The following STXBP5L variants were observed in gnomAD, a reference collection of about 807,000 sequenced individuals.
The protein encoded by STXBP5L is syntaxin binding protein 5L.
Under a neutral mutation model 144.5 loss-of-function variants are expected in STXBP5L, and 65 were observed. That is an observed-to-expected ratio of 0.45 (90% CI 0.37 to 0.55). The LOEUF (loss-of-function observed/expected upper bound fraction) is 0.55. STXBP5L is among the 20% of genes least tolerant of loss of function. STXBP5L has a pLI of 0.00. For missense variants in STXBP5L, 1,298 were observed against 1,405.5 expected (o/e 0.92, Z 1.22); for synonymous variants, 505 against 469.6 (o/e 1.08, Z -0.97).
chr3:121,106,566 A>G (rs1265165449), intron 5 of STXBP5L, among the ~76,000 whole-genome samples: 1 of 152,140 alleles, frequency 6.6e-6, no homozygotes, highest in African/African-American at 2.4e-5. Context: ...CCCTGCAAAG[A>G]TCATGATCTC....
chr3:121,347,224 T>G (rs950654189), intron 20 of STXBP5L, among the ~76,000 whole-genome samples: 2 of 152,086 alleles, frequency 1.3e-5, no homozygotes, highest in East Asian at 1.9e-4. Flanking sequence ...TTTCCCCATT[T>G]CTTGTTTTTG....
intron 19 of STXBP5L, among the ~76,000 whole-genome samples, chr3:121,282,737 T>G (rs1321643399): frequency 1.3e-5 from 2 of 152,062 alleles, no homozygotes; most frequent in East Asian, 3.8e-4. Context: ...CATTTTATAA[T>G]ACTATTCTAA....
intron 3 of STXBP5L, among the ~76,000 whole-genome samples, chr3:121,030,549 T>C (rs1480223713): frequency 1.3e-5 from 2 of 151,892 alleles, no homozygotes; most frequent in Non-Finnish European, 2.9e-5. Context: ...GACTAGGGGA[T>C]GGATAACATT....
chr3:121,092,880 C>A (rs1209255102), intron 5 of STXBP5L, among the ~76,000 whole-genome samples: 1 of 152,136 alleles, frequency 6.6e-6, no homozygotes, highest in African/African-American at 2.4e-5. Flanking sequence ...CCAGTATTTG[C>A]CCATTCAGTA....
At chr3:120,970,843 A>T (rs1052729799) in intron 3 of STXBP5L, among the ~76,000 whole-genome samples, 3 of 152,134 alleles carry the variant, frequency 2.0e-5, no homozygotes, top group Admixed American at 1.3e-4. Flanking sequence ...CACAGGAACT[A>T]AAACAATTCA....
At chr3:121,347,600 T>A (rs2045055182) in intron 20 of STXBP5L, among the ~76,000 whole-genome samples, 1 of 152,228 alleles carries the variant, frequency 6.6e-6, no homozygotes, top group South Asian at 2.1e-4. Flanking sequence ...GCATGGAATG[T>A]TCTTCCATTT....
At chr3:121,039,099 G>C (rs771260949) in intron 3 of STXBP5L, among the ~76,000 whole-genome samples, 2 of 151,852 alleles carry the variant, frequency 1.3e-5, no homozygotes, top group Non-Finnish European at 2.9e-5. Flanking sequence ...TTTGCATTTA[G>C]TGTGGTATTG....
At chr3:121,153,988 C>G (rs1299697434) in intron 8 of STXBP5L, among the ~76,000 whole-genome samples, 4 of 151,656 alleles carry the variant, frequency 2.6e-5, no homozygotes, top group African/African-American at 9.7e-5. Context: ...GAATATTTAG[C>G]CAGTTGGAAT....
At chr3:121,387,908 C>A (rs1199603907) in intron 22 of STXBP5L, among the ~76,000 whole-genome samples, 1 of 152,024 alleles carries the variant, frequency 6.6e-6, no homozygotes, top group Non-Finnish European at 1.5e-5. Context: ...TCCATATGAA[C>A]TTTAAAGTAG....
chr3:121,272,206 T>G (rs995016030), intron 18 of STXBP5L, among the ~76,000 whole-genome samples: 8 of 152,232 alleles, frequency 5.3e-5, no homozygotes, highest in Admixed American at 1.3e-4. Flanking sequence ...ATGTATCTAT[T>G]GTTGAAAGTG....
chr3:121,253,909 T>C (rs2050123107), intron 15 of STXBP5L, among the ~76,000 whole-genome samples: 1 of 147,942 alleles, frequency 6.8e-6, no homozygotes, highest in Admixed American at 6.9e-5. Context: ...CACCTCGGCC[T>C]CCCAAAGTGC....
intron 3 of STXBP5L, among the ~76,000 whole-genome samples, chr3:121,019,473 A>C (rs984605938): frequency 2.0e-5 from 3 of 152,114 alleles, no homozygotes; most frequent in Non-Finnish European, 4.4e-5. Context: ...CACAAAACCA[A>C]CACACTTACC....
At chr3:121,202,717 T>C (rs910333107) in intron 9 of STXBP5L, among the ~76,000 whole-genome samples, 1 of 152,124 alleles carries the variant, frequency 6.6e-6, no homozygotes, top group Non-Finnish European at 1.5e-5. Flanking sequence ...ATTTTAAATA[T>C]GTCATATCAC....
At position 121,212,205 on chromosome 3, in the gene STXBP5L, G is replaced by C. The variant is rs140221167; in HGVS notation, c.956+6204G>C. 4.5e-3 allele frequency among the ~76,000 whole-genome samples: 687 copies of C among 152,222 alleles called. 4 individuals carry two copies. Among genetic ancestry groups the C allele is most frequent in the African/African-American group, 0.016 (656 of 41,570 alleles). On this transcript the variant is annotated intron_variant, in intron 10 of 26. Transcript: ENST00000471454. ...TGATAGTTTCTTTTGCTGTACAGAA[G>C]ATCTTTACTTTAATTAGATCCCATT... is the stretch of plus-strand genomic sequence containing the variant.
At chr3:121,072,499 CG>C (rs1305685516) in intron 5 of STXBP5L, among the ~76,000 whole-genome samples, 1 of 152,182 alleles carries the variant, frequency 6.6e-6, no homozygotes, top group Non-Finnish European at 1.5e-5. Context: ...CTTTATGAAC[CG>C]GGGGGCTATT....
At chr3:120,978,586 G>A (rs1941366890) in intron 3 of STXBP5L, among the ~76,000 whole-genome samples, 1 of 152,222 alleles carries the variant, frequency 6.6e-6, no homozygotes, top group South Asian at 2.1e-4. Flanking sequence ...TGTTGCTGGT[G>A]AGGAACTGCA....
chr3:121,081,595 T>C (rs1339023295), intron 5 of STXBP5L, among the ~76,000 whole-genome samples: 4 of 152,210 alleles, frequency 2.6e-5, no homozygotes, highest in African/African-American at 9.6e-5. Context: ...TTGAAGCTTA[T>C]CTTGTTCTCT....
chr3:121,304,003 A>C (rs1255424862), intron 19 of STXBP5L, among the ~76,000 whole-genome samples: 1 of 150,910 alleles, frequency 6.6e-6, no homozygotes, highest in Non-Finnish European at 1.5e-5. Context: ...CATTGTGCAC[A>C]TGTACCCTAA....
chr3:120,932,593 C>T (rs928276097), intron 2 of STXBP5L, among the ~76,000 whole-genome samples: 3 of 50,996 alleles, frequency 5.9e-5, no homozygotes, highest in Admixed American at 5.0e-4. Context: ...AAAATTAACA[C>T]TGTTGGGACT....
Sources: gnomAD v4.1 joint callset for allele counts (sites outside exome capture counted in the v4.1 genomes callset) on GRCh38, gnomAD v4.1.1 for gene constraint, MANE v1.5 for transcripts, NCBI Gene and HGNC (gene_info 2026-07-23, HGNC 2026-07-21) for gene names.